ADGRA3: variants seen among roughly 807,000 people sequenced by gnomAD.
The protein encoded by ADGRA3 is adhesion G protein-coupled receptor A3.
A neutral mutation model predicts 119.8 loss-of-function variants in ADGRA3; 56 were observed. The observed-to-expected ratio is 0.47, with a 90% CI of 0.38 to 0.58. The LOEUF is 0.58. ADGRA3 is among the 20% of genes least tolerant of loss of function. The pLI, the probability that ADGRA3 is intolerant of heterozygous loss-of-function variation, is 0.00. For synonymous variants in ADGRA3, 607 were observed against 623.8 expected (o/e 0.97, Z 0.40); for missense variants, 1,516 against 1,649.0 (o/e 0.92, Z 1.40).
At chr4:22,398,202 G>T (rs1714450107) in intron 16 of ADGRA3, 2 of 878,474 alleles carry the variant, frequency 2.3e-6, no homozygotes, top group Non-Finnish European at 2.7e-6. Context: ...TATAATAGTG[G>T]TAACAGGTAA....
intron 6 of ADGRA3, 81 bp downstream of exon 6, chr4:22,444,892 G>T (rs1716770577): frequency 7.2e-7 from 1 of 1,390,264 alleles, no homozygotes; most frequent in Non-Finnish European, 1.0e-6. Flanking sequence ...AGTATAAAGA[G>T]AATCTTACAA....
chr4:22,513,856 A>AC (rs1478051541), intron 1 of ADGRA3, among the ~76,000 whole-genome samples: 1 of 150,194 alleles, frequency 6.7e-6, no homozygotes, highest in Non-Finnish European at 1.5e-5. Context: ...AAAAAAAAAA[A>AC]AAAAAAAAAA....
intron 1 of ADGRA3, among the ~76,000 whole-genome samples, chr4:22,511,669 A>G (rs1719449985): frequency 6.6e-6 from 1 of 152,136 alleles, no homozygotes; most frequent in Non-Finnish European, 1.5e-5. Flanking sequence ...ATAAAGGCTC[A>G]AACCAGGGAG....
intron 1 of ADGRA3, among the ~76,000 whole-genome samples, chr4:22,513,782 GATTACA>G (rs1719535160): frequency 7.4e-6 from 1 of 135,892 alleles, no homozygotes; most frequent in Admixed American, 8.0e-5. Context: ...AAAGCCCTGG[GATTACA>G]GGTGTGAGCC....
chr4:22,411,404 G>A (rs1478401360), intron 14 of ADGRA3, among the ~76,000 whole-genome samples: 1 of 152,020 alleles, frequency 6.6e-6, no homozygotes, highest in East Asian at 1.9e-4. Context: ...ATCAAGACCA[G>A]CCTGGGAAAC....
intron 1 of ADGRA3, among the ~76,000 whole-genome samples, chr4:22,480,798 C>T (rs1261111123): frequency 6.6e-6 from 1 of 152,006 alleles, no homozygotes; most frequent in Non-Finnish European, 1.5e-5. Context: ...AAATGAAATA[C>T]CAGAAAGATG....
chr4:22,433,060 T>C (rs1194911324), intron 10 of ADGRA3, among the ~76,000 whole-genome samples: 1 of 152,222 alleles, frequency 6.6e-6, no homozygotes. Context: ...CTATGGCCTG[T>C]GGTTCAAATT....
At position 22,445,133 on chromosome 4, in the gene ADGRA3, C is replaced by T; in HGVS notation, c.546G>A (p.Leu182=). The change falls in exon 6 of 19, where the codon TTG becomes TTA. Residue 182 remains leucine, a splice_region_variant and synonymous_variant. Transcript: ENST00000334304. ...TFDYLASLRS[L]EFQTEYLLCD... ...ACAAAAGATACTCAGTCTGGAATTC[C>T]CTGTAACATGCAAATACAACTTAGA... 2 of 1,613,276 alleles carry T rather than the reference C, an allele frequency of 1.2e-6. No individual in the cohort carries two copies. Among genetic ancestry groups the T allele is most frequent in the Non-Finnish European group, 1.7e-6 (2 of 1,179,384 alleles).
At chr4:22,477,100 GTTTAT>G (rs1290229361) in intron 1 of ADGRA3, among the ~76,000 whole-genome samples, 2 of 152,086 alleles carry the variant, frequency 1.3e-5, no homozygotes, top group East Asian at 3.9e-4. Context: ...TTGAGGTTGA[GTTTAT>G]TTTGAGTGTA....
intron 14 of ADGRA3, 83 bp downstream of exon 14, chr4:22,413,099 C>CA (rs150998541): frequency 1.7e-5 from 16 of 934,294 alleles, no homozygotes; most frequent in South Asian, 5.6e-5. Context: ...AAACAAAAAA[C>CA]AAAAAAACAC....
intron 1 of ADGRA3, among the ~76,000 whole-genome samples, chr4:22,481,381 G>A (rs1718256469): frequency 6.6e-6 from 1 of 152,108 alleles, no homozygotes; most frequent in African/African-American, 2.4e-5. Context: ...CAAAGTTCTA[G>A]TTCAAAAGCA....
intron 1 of ADGRA3, among the ~76,000 whole-genome samples, chr4:22,502,084 TC>T (rs1719066315): frequency 1.3e-5 from 2 of 152,140 alleles, no homozygotes; most frequent in Admixed American, 1.3e-4. Flanking sequence ...AAGCATAGCA[TC>T]CCCTAGGAGG....
rs1246414806 is a variant in ADGRA3, at chr4:22,387,401, T to C, written c.*304A>G. On this transcript the variant is annotated 3_prime_UTR_variant, in exon 19 of 19. Coordinates refer to ENST00000334304, the MANE Select transcript of ADGRA3 (RefSeq NM_145290.4). ...GACACAATAACAAACACCTATTTAT[T>C]ATATTAAATACAAGCCTGAAATATT... 3.9e-6 allele frequency: 1 copy of C among 257,486 alleles called. No individual in the cohort carries two copies. Among genetic ancestry groups the C allele is most frequent in the Admixed American group, 4.8e-5 (1 of 20,964 alleles). The allele number at this position is 257,486 out of a possible 1,614,324, so 16.0% of individuals were successfully genotyped here.
At chr4:22,406,049 A>G (rs557680916) in intron 14 of ADGRA3, among the ~76,000 whole-genome samples, 1 of 152,120 alleles carries the variant, frequency 6.6e-6, no homozygotes, top group Admixed American at 6.6e-5. Flanking sequence ...CCCACATATG[A>G]GTGAAAACAT....
intron 3 of ADGRA3, among the ~76,000 whole-genome samples, chr4:22,457,918 ATC>A (rs1316474458): frequency 6.6e-6 from 1 of 152,244 alleles, no homozygotes; most frequent in Non-Finnish European, 1.5e-5. Flanking sequence ...TTCAAACTAT[ATC>A]TCAGCATAGA....
chr4:22,463,446 T>C (rs575633551), intron 2 of ADGRA3, among the ~76,000 whole-genome samples: 2 of 152,300 alleles, frequency 1.3e-5, no homozygotes, highest in Non-Finnish European at 2.9e-5. Context: ...TGCTCACCCG[T>C]GCCCAGGCAG....
intron 4 of ADGRA3, 74 bp downstream of exon 4, chr4:22,454,792 T>G: frequency 9.2e-7 from 1 of 1,082,340 alleles, no homozygotes; most frequent in East Asian, 2.4e-5. Flanking sequence ...ATTAAATACA[T>G]AAGTTTCATA....
At chr4:22,498,905 C>T (rs1718949166) in intron 1 of ADGRA3, among the ~76,000 whole-genome samples, 1 of 124,700 alleles carries the variant, frequency 8.0e-6, no homozygotes, top group East Asian at 2.4e-4. Context: ...CACAGCGAGA[C>T]TCGTCTCAAA....
chr4:22,433,964 C>T (rs1480739498), intron 10 of ADGRA3, among the ~76,000 whole-genome samples: 1 of 152,024 alleles, frequency 6.6e-6, no homozygotes, highest in Non-Finnish European at 1.5e-5. Flanking sequence ...AATGTTATCC[C>T]GCTGACAAGT....
Sources: allele counts gnomAD v4.1 joint callset (sites outside exome capture counted in the v4.1 genomes callset), GRCh38; gene constraint gnomAD v4.1.1; transcripts MANE v1.5; gene names NCBI Gene and HGNC (gene_info 2026-07-23, HGNC 2026-07-21).